TRPM3: variants seen among roughly 807,000 people sequenced by gnomAD.
The protein encoded by TRPM3 is transient receptor potential cation channel subfamily M member 3.
In TRPM3, 77 loss-of-function variants were observed where a neutral mutation model predicts 181.2. The ratio of observed to expected loss-of-function variants is 0.42; its 90% CI spans 0.35 to 0.51. TRPM3 has a LOEUF of 0.51. Among genes scored for constraint, TRPM3 ranks in the 20% least tolerant of loss-of-function variants. The probability of loss-of-function intolerance (pLI) is 0.01; values close to 1 mark genes in which losing one functional copy is unlikely to be tolerated. For missense variants in TRPM3, 1,759 were observed against 2,196.7 expected (o/e 0.80, Z 3.98); for synonymous variants, 745 against 796.4 (o/e 0.94, Z 1.09).
chr9:71,389,594 A>G (rs2093012245), intron 1 of TRPM3, among the ~76,000 whole-genome samples: 1 of 152,156 alleles, frequency 6.6e-6, no homozygotes, highest in Admixed American at 6.6e-5. Flanking sequence ...ATGCCCATCA[A>G]TCAACAAGTG....
chr9:70,960,900 G>A (rs945396590), intron 1 of TRPM3, among the ~76,000 whole-genome samples: 7 of 152,080 alleles, frequency 4.6e-5, no homozygotes, highest in African/African-American at 1.7e-4. Context: ...TGCTGTGTAG[G>A]ATCAACTTCA....
intron 1 of TRPM3, among the ~76,000 whole-genome samples, chr9:70,931,242 A>C (rs2096772512): frequency 6.6e-6 from 1 of 152,126 alleles, no homozygotes; most frequent in Non-Finnish European, 1.5e-5. Flanking sequence ...TTTAAGAATA[A>C]CTTGGAATGT....
At chr9:71,439,941 G>A (rs891683476) in intron 1 of TRPM3, among the ~76,000 whole-genome samples, 4 of 151,984 alleles carry the variant, frequency 2.6e-5, no homozygotes, top group African/African-American at 9.7e-5. Flanking sequence ...CTAACACGGT[G>A]AAACCCTGTC....
intron 1 of TRPM3, among the ~76,000 whole-genome samples, chr9:71,438,360 T>C (rs2094080052): frequency 6.6e-6 from 1 of 152,106 alleles, no homozygotes; most frequent in Admixed American, 6.5e-5. Context: ...TTGATAATAG[T>C]GTTACAGTTT....
chr9:70,581,664 GA>G (rs1467663148), intron 22 of TRPM3, among the ~76,000 whole-genome samples: 2 of 152,192 alleles, frequency 1.3e-5, no homozygotes, highest in Non-Finnish European at 2.9e-5. Flanking sequence ...GCTTTGAGTG[GA>G]AATCAACCAT....
chr9:70,766,434 C>T (rs2079136910), intron 7 of TRPM3, among the ~76,000 whole-genome samples: 1 of 151,978 alleles, frequency 6.6e-6, no homozygotes. Context: ...AGGAAGAGCC[C>T]TTCCTGTGAC....
intron 1 of TRPM3, among the ~76,000 whole-genome samples, chr9:71,240,647 G>A (rs1370149597): frequency 2.0e-5 from 3 of 152,026 alleles, no homozygotes; most frequent in Non-Finnish European, 2.9e-5. Context: ...ATCTTCTCTT[G>A]TTGGAACAAA....
At chr9:70,854,664 C>T (rs902457894) in intron 3 of TRPM3, among the ~76,000 whole-genome samples, 13 of 152,158 alleles carry the variant, frequency 8.5e-5, no homozygotes, top group South Asian at 4.1e-4. Flanking sequence ...GCCTTTAGTT[C>T]CCCAATTTAT....
rs200886322 is a variant in TRPM3, at chr9:70,537,310, A to T, written c.3803T>A (p.Leu1268Gln). 64 of 1,532,128 alleles carry T rather than the reference A, an allele frequency of 4.2e-5. No individual in the cohort carries two copies. Among genetic ancestry groups the T allele is most frequent in the Non-Finnish European group, 4.0e-5 (45 of 1,137,718 alleles). The allele number at this position is 1,532,128 out of a possible 1,614,324, so 94.9% of individuals were successfully genotyped here. The change falls in exon 26 of 26, where the codon CTG (leucine) becomes CAG (glutamine). Residue 1268 changes from leucine to glutamine, a missense_variant. Coordinates refer to ENST00000677713, the MANE Select transcript of TRPM3 (RefSeq NM_001366145.2). ...GGCCATGCGCCCGATAAGGTCTTCC[A>T]GCTGCGCCAGCCGGATGTCCACGGT... ...LQTVDIRLAQ[L>Q]EDLIGRMATA...
At chr9:71,179,346 AAC>A (rs2077271300) in intron 1 of TRPM3, among the ~76,000 whole-genome samples, 1 of 152,134 alleles carries the variant, frequency 6.6e-6, no homozygotes, top group African/African-American at 2.4e-5. Flanking sequence ...TGTAAAAGTG[AAC>A]AGTCAACAAG....
chr9:71,114,170 G>C (rs1256884046), intron 1 of TRPM3, among the ~76,000 whole-genome samples: 1 of 151,994 alleles, frequency 6.6e-6, no homozygotes, highest in African/African-American at 2.4e-5. Flanking sequence ...AAACCTTGAA[G>C]AATCTTTACT....
At chr9:71,200,213 T>A (rs12380468) in intron 1 of TRPM3, among the ~76,000 whole-genome samples, 64,608 of 151,212 alleles carry the variant, frequency 0.43, 14,182 homozygotes, top group East Asian at 0.52. Context: ...TGAGTTCTAG[T>A]TTGATTGCAC....
chr9:71,442,335 T>C (rs2094146549), intron 1 of TRPM3, among the ~76,000 whole-genome samples: 1 of 152,252 alleles, frequency 6.6e-6, no homozygotes, highest in South Asian at 2.1e-4. Flanking sequence ...AGTTTCTTTT[T>C]TTCCTTTTAC....
At chr9:70,881,845 A>T (rs2095999798) in intron 1 of TRPM3, among the ~76,000 whole-genome samples, 1 of 152,186 alleles carries the variant, frequency 6.6e-6, no homozygotes. Context: ...TCCTGAAATT[A>T]TCTCTTTATT....
intron 1 of TRPM3, among the ~76,000 whole-genome samples, chr9:71,000,325 C>T (rs754876149): frequency 2.6e-5 from 4 of 152,078 alleles, no homozygotes; most frequent in Non-Finnish European, 4.4e-5. Flanking sequence ...AATTCCAACT[C>T]ATTTTTGTTA....
chr9:71,300,521 T>G (rs2086670538), intron 1 of TRPM3, among the ~76,000 whole-genome samples: 1 of 152,142 alleles, frequency 6.6e-6, no homozygotes, highest in Non-Finnish European at 1.5e-5. Context: ...ACTTTTTTTT[T>G]TAACTCAGTA....
chr9:71,317,281 A>C (rs1355742921), intron 1 of TRPM3, among the ~76,000 whole-genome samples: 1 of 152,216 alleles, frequency 6.6e-6, no homozygotes, highest in Non-Finnish European at 1.5e-5. Flanking sequence ...TAAGTAAAAA[A>C]AGGCTCATTG....
chr9:71,271,300 T>C (rs2083771277), intron 1 of TRPM3, among the ~76,000 whole-genome samples: 3 of 152,150 alleles, frequency 2.0e-5, no homozygotes, highest in African/African-American at 7.2e-5. Context: ...TTATTGTTAG[T>C]TTGGTTACTG....
intron 1 of TRPM3, among the ~76,000 whole-genome samples, chr9:71,081,401 A>C (rs1160111980): frequency 6.6e-6 from 1 of 152,170 alleles, no homozygotes; most frequent in Non-Finnish European, 1.5e-5. Flanking sequence ...TCTTTAAAAA[A>C]TGGGATAATA....
Sources: allele counts gnomAD v4.1 joint callset (sites outside exome capture counted in the v4.1 genomes callset), GRCh38; gene constraint gnomAD v4.1.1; transcripts MANE v1.5; gene names NCBI Gene and HGNC (gene_info 2026-07-23, HGNC 2026-07-21).